PARN: variants seen among roughly 807,000 people sequenced by gnomAD.
PARN encodes the protein poly(A)-specific ribonuclease.
In PARN, 71 loss-of-function variants were observed where a neutral mutation model predicts 102.8. That is an observed-to-expected ratio of 0.69 (90% CI 0.57 to 0.84). The LOEUF (loss-of-function observed/expected upper bound fraction) is 0.84. Ranked by LOEUF, PARN falls within the 40% of genes least tolerant of loss-of-function variation. The probability of loss-of-function intolerance (pLI) is 0.00; values close to 1 mark genes in which losing one functional copy is unlikely to be tolerated. For missense variants in PARN, 782 were observed against 760.9 expected (o/e 1.03, Z -0.33); for synonymous variants, 261 against 252.9 (o/e 1.03, Z -0.30).
chr16:14,584,931 TA>T lies in PARN; in HGVS notation c.963-141del, dbSNP rs147374162. 0.039 allele frequency: 22,663 copies of T among 580,550 alleles called. 518 individuals carry two copies. The highest frequency in any genetic ancestry group is 0.05 in the African/African-American group (2,549 of 50,602). 36.0% of individuals were successfully genotyped at this position (580,550 alleles called of 1,614,324 possible). A position where few individuals can be genotyped will look rare whatever the true frequency, so the allele number is the denominator to read the frequency against. On this transcript the variant is annotated intron_variant, in intron 14 of 23. Transcript: ENST00000437198. ...TAAAATGTTTAATACAGAAAATACT[TA>T]AACACAGACAAAGTAATTAAACACA...
chr16:14,457,904 G>C (rs1251411701), intron 22 of PARN, among the ~76,000 whole-genome samples: 5 of 139,364 alleles, frequency 3.6e-5, no homozygotes, highest in Non-Finnish European at 8.0e-5. Flanking sequence ...TGTGGAATAG[G>C]GGTGTGTGTG....
chr16:14,482,558 A>C, intron 22 of PARN, 80 bp downstream of exon 22: 1 of 1,102,548 alleles, frequency 9.1e-7, no homozygotes, highest in Non-Finnish European at 1.3e-6. Flanking sequence ...CAGATTTAGT[A>C]CTTACAAACC....
At chr16:14,451,357 C>T (rs1285825448) in intron 22 of PARN, among the ~76,000 whole-genome samples, 1 of 152,198 alleles carries the variant, frequency 6.6e-6, no homozygotes, top group African/African-American at 2.4e-5. Flanking sequence ...ACTCGTTCAT[C>T]TTATTTTTTA....
At chr16:14,606,734 G>A (rs1192581929) in intron 9 of PARN, among the ~76,000 whole-genome samples, 5 of 150,752 alleles carry the variant, frequency 3.3e-5, no homozygotes, top group Admixed American at 2.6e-4. Flanking sequence ...ACACATAAAC[G>A]TGGATTTGAC....
intron 5 of PARN, among the ~76,000 whole-genome samples, chr16:14,622,800 C>A (rs1332395000): frequency 1.3e-5 from 2 of 152,178 alleles, no homozygotes; most frequent in Non-Finnish European, 2.9e-5. Context: ...GTCACCACAC[C>A]CGGCCCATTT....
intron 22 of PARN, among the ~76,000 whole-genome samples, chr16:14,447,966 CT>C (rs1470029821): frequency 6.6e-6 from 1 of 151,924 alleles, no homozygotes; most frequent in Non-Finnish European, 1.5e-5. Context: ...ATCTATCTAT[CT>C]ATCTATCTAT....
In PARN at chr16:14,482,826, A is replaced by G; in HGVS notation, c.1482T>C (p.Ala494=). 6.3e-7 allele frequency: 1 copy of G among 1,593,900 alleles called. No homozygotes were observed. The highest frequency in any genetic ancestry group is 1.1e-5 in the South Asian group (1 of 87,134). Residue 494 remains alanine, a splice_region_variant and synonymous_variant, in exon 22 of 24, where the codon GCT becomes GCC. Coordinates refer to ENST00000437198, the MANE Select transcript of PARN (RefSeq NM_002582.4). ...SLSQPEQVKI[A]VNTSKYAESY... ...TTTCTGCATATTTGCTGGTATTGAC[A>G]GCTACAAGGAAAAGAAAAAAAAATA... is the stretch of plus-strand genomic sequence containing the variant.
intron 21 of PARN, among the ~76,000 whole-genome samples, chr16:14,534,174 G>C (rs1318171965): frequency 6.7e-6 from 1 of 148,430 alleles, no homozygotes; most frequent in Non-Finnish European, 1.5e-5. Flanking sequence ...AACCAAGATC[G>C]CGCCACTGCA....
chr16:14,589,998 C>T (rs1970076279), intron 13 of PARN, among the ~76,000 whole-genome samples: 2 of 151,896 alleles, frequency 1.3e-5, no homozygotes, highest in Admixed American at 1.3e-4. Flanking sequence ...CACCTGTAAT[C>T]CCAGTACTTT....
intron 22 of PARN, among the ~76,000 whole-genome samples, chr16:14,471,072 C>T (rs1045225549): frequency 2.6e-5 from 4 of 152,210 alleles, no homozygotes; most frequent in African/African-American, 9.6e-5. Flanking sequence ...TATGAGCTAC[C>T]ATGCCCAGCT....
chr16:14,479,979 G>A (rs1963289829), intron 22 of PARN, among the ~76,000 whole-genome samples: 1 of 151,142 alleles, frequency 6.6e-6, no homozygotes, highest in Admixed American at 6.6e-5. Flanking sequence ...GATTTTGGGG[G>A]AGGAGGGGAT....
intron 6 of PARN, 112 bp from the exon 7 acceptor site, chr16:14,610,921 A>G (rs1272219797): frequency 4.4e-6 from 3 of 685,776 alleles, no homozygotes; most frequent in Non-Finnish European, 7.6e-6. Context: ...ATATTTAACT[A>G]CATCTCAAAA....
At chr16:14,465,074 T>C (rs1962244449) in intron 22 of PARN, among the ~76,000 whole-genome samples, 1 of 152,196 alleles carries the variant, frequency 6.6e-6, no homozygotes, top group Non-Finnish European at 1.5e-5. Flanking sequence ...TCCTTTTCTT[T>C]TTTTTAAATG....
intron 18 of PARN, among the ~76,000 whole-genome samples, chr16:14,577,259 C>A (rs1339573623): frequency 6.6e-6 from 1 of 152,132 alleles, no homozygotes; most frequent in Non-Finnish European, 1.5e-5. Context: ...TTGGGGGCAA[C>A]TACCAAATGT....
chr16:14,445,143 G>T (rs77413152), intron 23 of PARN, among the ~76,000 whole-genome samples: 7,874 of 151,840 alleles, frequency 0.052, 243 homozygotes, highest in African/African-American at 0.083. Context: ...CAATAGTTAA[G>T]TCAGGGAAAG....
At chr16:14,566,730 T>G (rs1213414312) in intron 18 of PARN, among the ~76,000 whole-genome samples, 1 of 152,224 alleles carries the variant, frequency 6.6e-6, no homozygotes, top group Non-Finnish European at 1.5e-5. Context: ...AAACAAGCTA[T>G]TAAGCCAGAG....
At chr16:14,478,057 C>T (rs1963169913) in intron 22 of PARN, among the ~76,000 whole-genome samples, 2 of 152,094 alleles carry the variant, frequency 1.3e-5, no homozygotes, top group East Asian at 1.9e-4. Flanking sequence ...GTGCACAGCT[C>T]CCACGTGTAA....
At chr16:14,593,874 A>G (rs557678072) in intron 12 of PARN, among the ~76,000 whole-genome samples, 2 of 152,006 alleles carry the variant, frequency 1.3e-5, no homozygotes, top group South Asian at 2.1e-4. Flanking sequence ...GTGCATGCCT[A>G]TAACTCCAGC....
chr16:14,564,670 A>G (rs1412419352), intron 18 of PARN, among the ~76,000 whole-genome samples: 2 of 152,174 alleles, frequency 1.3e-5, no homozygotes, highest in African/African-American at 2.4e-5. Context: ...TAATGTCATG[A>G]CATGTGTTAA....
Sources: allele counts gnomAD v4.1 joint callset (sites outside exome capture counted in the v4.1 genomes callset), GRCh38; gene constraint gnomAD v4.1.1; transcripts MANE v1.5; gene names NCBI Gene and HGNC (gene_info 2026-07-23, HGNC 2026-07-21).